FILIP1: variants seen among roughly 807,000 people sequenced by gnomAD.
The protein encoded by FILIP1 is filamin A interacting protein 1, also known as filamin-A-interacting protein 1.
Under a neutral mutation model 102.1 loss-of-function variants are expected in FILIP1, and 61 were observed. The observed-to-expected ratio is 0.60, with a 90% CI of 0.49 to 0.74. The LOEUF (loss-of-function observed/expected upper bound fraction) is 0.74. FILIP1 is among the 30% of genes least tolerant of loss of function. The pLI is 0.00. For synonymous variants in FILIP1, 491 were observed against 526.9 expected (o/e 0.93, Z 0.93); for missense variants, 1,314 against 1,441.2 (o/e 0.91, Z 1.43).
intron 2 of FILIP1, among the ~76,000 whole-genome samples, chr6:75,414,032 C>T (rs2703713): frequency 0.025 from 3,809 of 150,072 alleles, 173 homozygotes; most frequent in African/African-American, 0.088. Flanking sequence ...TTCTGGGCCT[C>T]AGATTCTTCA....
At chr6:75,338,296 TCA>T (rs1226226877) in intron 4 of FILIP1, among the ~76,000 whole-genome samples, 1 of 152,224 alleles carries the variant, frequency 6.6e-6, no homozygotes, top group Non-Finnish European at 1.5e-5. Flanking sequence ...GGCTAAGAGT[TCA>T]CATCCAAGAG....
chr6:75,318,292 G>A (rs539569800), intron 4 of FILIP1, among the ~76,000 whole-genome samples: 9 of 131,062 alleles, frequency 6.9e-5, no homozygotes, highest in African/African-American at 2.0e-4. Flanking sequence ...TTGAAGTGCT[G>A]TGGCATGATT....
intron 6 of FILIP1, among the ~76,000 whole-genome samples, chr6:75,297,800 A>G (rs1280451373): frequency 6.6e-6 from 1 of 152,168 alleles, no homozygotes; most frequent in Non-Finnish European, 1.5e-5. Context: ...GTTATCTCCA[A>G]TTTCCTTCCC....
intron 6 of FILIP1, among the ~76,000 whole-genome samples, chr6:75,301,422 G>A (rs770222651): frequency 2.2e-4 from 34 of 152,124 alleles, no homozygotes; most frequent in Non-Finnish European, 1.3e-4. Flanking sequence ...TTAATAAGAT[G>A]CTTAGACATC....
intron 1 of FILIP1, among the ~76,000 whole-genome samples, chr6:75,462,284 C>T (rs115217636): frequency 1.6e-3 from 250 of 152,198 alleles, no homozygotes; most frequent in African/African-American, 5.7e-3. Flanking sequence ...TCTGAGGATG[C>T]CAGCTATAGT....
intron 1 of FILIP1, among the ~76,000 whole-genome samples, chr6:75,474,209 T>C (rs958719250): frequency 2.6e-5 from 4 of 152,226 alleles, no homozygotes; most frequent in African/African-American, 9.6e-5. Context: ...TTTTACTGAA[T>C]ATATTATTTT....
chr6:75,403,423 G>A (rs1227387702), intron 2 of FILIP1, among the ~76,000 whole-genome samples: 1 of 150,234 alleles, frequency 6.7e-6, no homozygotes, highest in Non-Finnish European at 1.5e-5. Context: ...GCTGAGGCAA[G>A]AGGATCCCTT....
intron 2 of FILIP1, among the ~76,000 whole-genome samples, chr6:75,376,333 G>A (rs1161562147): frequency 6.6e-6 from 1 of 152,106 alleles, no homozygotes; most frequent in Non-Finnish European, 1.5e-5. Flanking sequence ...GTGCCTCTCT[G>A]AACTGTTTCT....
In FILIP1 at chr6:75,435,052, G is replaced by T. The variant is rs533662821; in HGVS notation, c.-6-20074C>A. On this transcript the variant is annotated intron_variant, in intron 1 of 5. Coordinates refer to ENST00000237172, the MANE Select transcript of FILIP1 (RefSeq NM_015687.5). ...GGATGAAGCTCACTTGATCATAGTG[G>T]ATAAACTTTTTGCTGTGCTGCTAGA... is the stretch of plus-strand genomic sequence containing the variant. Among the ~76,000 whole-genome samples, 4 of 152,272 alleles carry T rather than the reference G, an allele frequency of 2.6e-5. No homozygotes were observed. The East Asian group carries it at 5.8e-4, about 22-fold the overall frequency.
chr6:75,382,724 A>G (rs1775945943), intron 2 of FILIP1, among the ~76,000 whole-genome samples: 1 of 152,250 alleles, frequency 6.6e-6, no homozygotes, highest in South Asian at 2.1e-4. Context: ...AAAGGTCGCT[A>G]CAGATCAAGT....
intron 1 of FILIP1, among the ~76,000 whole-genome samples, chr6:75,457,270 A>G (rs1778868360): frequency 6.6e-6 from 1 of 152,206 alleles, no homozygotes; most frequent in Non-Finnish European, 1.5e-5. Flanking sequence ...GTTTGGCACA[A>G]CACAAAGACA....
Position 75,480,194 on chromosome 6 carries a change from G to T in FILIP1, c.-7+13220C>A, listed in dbSNP as rs532124942. Among the ~76,000 whole-genome samples the T allele has an allele frequency of 5.4e-5, 8 of 147,072 alleles. No individual in the cohort carries two copies. In the East Asian group the frequency reaches 1.2e-3, roughly 22 times the overall value. ...AGAAATTTAATGTCATATTTTTCCA[G>T]TTATTTCAACCCTATTGATTGAATA... On this transcript the variant is annotated intron_variant, in intron 1 of 5. Coordinates refer to ENST00000237172, the MANE Select transcript of FILIP1 (RefSeq NM_015687.5).
chr6:75,302,786 G>T (rs147669467), intron 6 of FILIP1, among the ~76,000 whole-genome samples: 2 of 151,276 alleles, frequency 1.3e-5, no homozygotes, highest in Admixed American at 6.6e-5. Flanking sequence ...ACTTTTGGGC[G>T]GTTTTCAAAT....
intron 4 of FILIP1, among the ~76,000 whole-genome samples, chr6:75,317,928 C>A (rs1424935760): frequency 1.3e-5 from 2 of 152,184 alleles, no homozygotes; most frequent in Non-Finnish European, 2.9e-5. Flanking sequence ...AATAGACCTG[C>A]AATCAAACTT....
At chr6:75,302,205 C>T (rs1235864906) in intron 6 of FILIP1, among the ~76,000 whole-genome samples, 1 of 152,140 alleles carries the variant, frequency 6.6e-6, no homozygotes, top group Non-Finnish European at 1.5e-5. Flanking sequence ...CCATCACCTG[C>T]TGTTGTGCCT....
intron 4 of FILIP1, among the ~76,000 whole-genome samples, chr6:75,326,324 A>G (rs1177434524): frequency 6.6e-6 from 1 of 152,158 alleles, no homozygotes. Context: ...TAAGAATGAT[A>G]CAATGGACTT....
chr6:75,485,962 G>A (rs2149784224), intron 1 of FILIP1, among the ~76,000 whole-genome samples: 1 of 138,488 alleles, frequency 7.2e-6, no homozygotes, highest in South Asian at 2.3e-4. Flanking sequence ...ACTGCCTTCT[G>A]ACCAAAACAC....
chr6:75,368,472 G>A (rs1438013216), intron 2 of FILIP1, among the ~76,000 whole-genome samples: 1 of 152,078 alleles, frequency 6.6e-6, no homozygotes, highest in South Asian at 2.1e-4. Context: ...CTGCATCCTC[G>A]GGAATTCAAG....
downstream of FILIP1, among the ~76,000 whole-genome samples, chr6:75,303,874 A>C (rs1358568953): frequency 6.6e-6 from 1 of 152,170 alleles, no homozygotes; most frequent in African/African-American, 2.4e-5. Flanking sequence ...ATAACCAATC[A>C]GGGAAACAGA....
Sources: gnomAD v4.1 joint callset for allele counts (sites outside exome capture counted in the v4.1 genomes callset) on GRCh38, gnomAD v4.1.1 for gene constraint, MANE v1.5 for transcripts, NCBI Gene and HGNC (gene_info 2026-07-23, HGNC 2026-07-21) for gene names.